The following MCTP2 variants were observed in gnomAD, a reference collection of about 807,000 sequenced individuals.
MCTP2 encodes the protein multiple C2 and transmembrane domain containing 2.
A neutral mutation model predicts 111.6 loss-of-function variants in MCTP2; 132 were observed. The observed-to-expected ratio is 1.18, with a 90% CI of 1.03 to 1.37. MCTP2 has a LOEUF of 1.37. Among genes scored for constraint, MCTP2 ranks in the 40% most tolerant of loss-of-function variants. MCTP2 has a pLI of 0.00. For synonymous variants in MCTP2, 395 were observed against 387.7 expected, an observed-to-expected ratio of 1.02 and a Z score of -0.22; for missense variants, 1,183 against 1,067.9, an observed-to-expected ratio of 1.11 and a Z score of -1.50.
At position 94,367,665 on chromosome 15, in the gene MCTP2, G is replaced by A; in HGVS notation, c.1362G>A (p.Leu454=). The change falls in exon 11 of 23, where the codon CTG becomes CTA. Residue 454 remains leucine (L), a synonymous_variant. Coordinates refer to ENST00000357742, the MANE Select transcript of MCTP2 (RefSeq NM_001385001.1). The part of the protein sequence containing the change: ...LKQANCLELP[L]DSCLGALLML... Reference sequence around the variant, plus strand: ...AAGCCAACTGCCTGGAGCTGCCACTGGACAGCTGTCTGGGGGCTCTCCTTA... The same window carrying A: ...AAGCCAACTGCCTGGAGCTGCCACTAGACAGCTGTCTGGGGGCTCTCCTTA... 6.2e-7 allele frequency: 1 copy of A among 1,612,176 alleles called. No individual in the cohort carries two copies.
At chr15:94,401,271 C>G (rs2081576251) in intron 16 of MCTP2, among the ~76,000 whole-genome samples, 1 of 152,126 alleles carries the variant, frequency 6.6e-6, no homozygotes, top group African/African-American at 2.4e-5. Flanking sequence ...CTTGAAAGCA[C>G]TTACTATGTG....
chr15:94,353,079 A>C (rs933833234), intron 8 of MCTP2, among the ~76,000 whole-genome samples: 7 of 152,238 alleles, frequency 4.6e-5, no homozygotes, highest in Non-Finnish European at 8.8e-5. Context: ...TCTGCAATAA[A>C]TACTTCTCCT....
chr15:94,272,741 C>A (rs12904449), intron 1 of MCTP2, among the ~76,000 whole-genome samples: 59,655 of 151,376 alleles, frequency 0.39, 12,264 homozygotes, highest in Middle Eastern at 0.47. Flanking sequence ...TTTTTTTTTC[C>A]CCTCTCTGGC....
intron 4 of MCTP2, among the ~76,000 whole-genome samples, chr15:94,338,288 C>A (rs2077462791): frequency 6.6e-6 from 1 of 152,050 alleles, no homozygotes; most frequent in Admixed American, 6.6e-5. Context: ...TATTGTAACT[C>A]CCCAAATTAG....
intron 4 of MCTP2, among the ~76,000 whole-genome samples, chr15:94,328,286 G>A (rs1428583023): frequency 3.3e-5 from 5 of 151,816 alleles, no homozygotes; most frequent in African/African-American, 4.8e-5. Flanking sequence ...CCGCCACCAC[G>A]CCCGGCTAAT....
At chr15:94,336,240 T>C (rs781702088) in intron 4 of MCTP2, among the ~76,000 whole-genome samples, 4 of 152,192 alleles carry the variant, frequency 2.6e-5, no homozygotes, top group Non-Finnish European at 5.9e-5. Context: ...AATGACCTTC[T>C]CTGCCTGTTC....
intron 17 of MCTP2, among the ~76,000 whole-genome samples, chr15:94,425,859 A>G (rs561585631): frequency 2.6e-5 from 4 of 152,296 alleles, no homozygotes; most frequent in African/African-American, 9.6e-5. Context: ...AAATAATTGC[A>G]TCTATAATTT....
chr15:94,278,140 A>G (rs2074307648), intron 1 of MCTP2: 2 of 152,154 alleles, frequency 1.3e-5, no homozygotes, highest in Non-Finnish European at 2.9e-5. Context: ...TTCTGCTTTT[A>G]TTCGGAGGTA....
At chr15:94,348,073 A>G (rs573017618) in intron 8 of MCTP2, among the ~76,000 whole-genome samples, 16 of 152,280 alleles carry the variant, frequency 1.1e-4, no homozygotes, top group African/African-American at 3.4e-4. Flanking sequence ...CCTCTGTTAT[A>G]TGTATTAATA....
chr15:94,371,573 A>C (rs192910115), intron 12 of MCTP2, among the ~76,000 whole-genome samples: 2 of 152,340 alleles, frequency 1.3e-5, no homozygotes, highest in East Asian at 3.9e-4. Context: ...CCAGCATTTA[A>C]AAAAATTCTT....
chr15:94,428,977 A>G (rs2083025035), intron 17 of MCTP2, among the ~76,000 whole-genome samples: 2 of 152,042 alleles, frequency 1.3e-5, no homozygotes, highest in Admixed American at 1.3e-4. Context: ...CACTTCTATA[A>G]TCCACTCTCC....
At position 94,298,213 on chromosome 15, in the gene MCTP2, T is replaced by TTG; in HGVS notation, c.-52_-51insGT. 26 of 1,394,724 alleles carry TTG rather than the reference T, an allele frequency of 1.9e-5. No individual in the cohort carries two copies. The highest frequency in any genetic ancestry group is 2.4e-5 in the Admixed American group (1 of 42,076). 86.4% of individuals were successfully genotyped at this position (1,394,724 alleles called of 1,614,324 possible). On this transcript the variant is annotated 5_prime_UTR_variant, in exon 2 of 23. Coordinates refer to ENST00000357742, the MANE Select transcript of MCTP2 (RefSeq NM_001385001.1). ...TTCTGTTTTATAGGAGTCATTGCAG[T>TTG]TTTCAGTAGAGGTGTACTTCTGAGA...
intron 1 of MCTP2, among the ~76,000 whole-genome samples, chr15:94,252,770 C>T (rs1320356606): frequency 1.3e-5 from 2 of 151,882 alleles, no homozygotes; most frequent in Non-Finnish European, 2.9e-5. Context: ...TACCAGCCAT[C>T]AAAATAAGAC....
At chr15:94,395,839 A>G (rs1050706262) in intron 14 of MCTP2, among the ~76,000 whole-genome samples, 12 of 152,202 alleles carry the variant, frequency 7.9e-5, no homozygotes, top group Admixed American at 1.3e-4. Context: ...ATCATTACTC[A>G]GAAACAGACT....
Position 94,298,431 on chromosome 15 carries a change from C to T in MCTP2, c.166C>T (p.Leu56=), listed in dbSNP as rs755510103. 1.4e-5 allele frequency: 22 copies of T among 1,614,102 alleles called. No individual in the cohort carries two copies. In the Admixed American group the frequency reaches 3.7e-4, roughly 27 times the overall value. ...TCTCAGCCTCTCTGTGCCTGATCTC[C>T]TGGAGGCTGAGGCCTTGGCCCCAGA... The part of the protein sequence containing the change: ...RRLSLSVPDL[L]EAEALAPEGR... Residue 56 remains leucine (L), a synonymous_variant, in exon 2 of 23, where the codon CTG becomes TTG. Coordinates refer to ENST00000357742, the MANE Select transcript of MCTP2 (RefSeq NM_001385001.1).
chr15:94,468,092 CTG>C (rs1233895222), intron 20 of MCTP2, among the ~76,000 whole-genome samples: 2 of 151,242 alleles, frequency 1.3e-5, no homozygotes, highest in Non-Finnish European at 2.9e-5. Context: ...AAGCAACAAA[CTG>C]AAAGAATATA....
chr15:94,464,221 TTA>T (rs1449708901), intron 20 of MCTP2, among the ~76,000 whole-genome samples: 1 of 110,700 alleles, frequency 9.0e-6, no homozygotes, highest in African/African-American at 3.5e-5. Context: ...GCATGAAATA[TTA>T]TATGTTTATA....
At position 94,315,521 on chromosome 15, in the gene MCTP2, C is replaced by T; in HGVS notation, c.529-8C>T. The T allele has an allele frequency of 6.2e-7, 1 of 1,606,652 alleles. No individual in the cohort carries two copies. The highest frequency in any genetic ancestry group is 8.5e-7 in the Non-Finnish European group (1 of 1,173,356). On this transcript the variant is annotated splice_region_variant and splice_polypyrimidine_tract_variant and intron_variant, in intron 3 of 22. Transcript: ENST00000357742. The stretch of plus-strand genomic sequence containing the variant: ...ATACTGTCTTAACTGCCTTCTCCAT[C>T]TGTGCAGGTACCGGGGGAAGCCAGT...
Position 94,331,915 on chromosome 15 carries a change from G to A in MCTP2, c.638-7375G>A, listed in dbSNP as rs79220145. The stretch of plus-strand genomic sequence containing the variant: ...CCAGTAGAAGACTGGGGAAGAAACT[G>A]TTCTGTGGTTGGTATCAAAAACAGC... On this transcript the variant is annotated intron_variant, in intron 4 of 22. Coordinates refer to ENST00000357742, the MANE Select transcript of MCTP2 (RefSeq NM_001385001.1). Among the ~76,000 whole-genome samples the A allele has an allele frequency of 8.1e-3, 1,229 of 152,296 alleles. 15 individuals are homozygous for A. Among genetic ancestry groups the A allele is most frequent in the African/African-American group, 0.026 (1,096 of 41,558 alleles).
Sources: allele counts gnomAD v4.1 joint callset (sites outside exome capture counted in the v4.1 genomes callset), GRCh38; gene constraint gnomAD v4.1.1; transcripts MANE v1.5; gene names NCBI Gene and HGNC (gene_info 2026-07-23, HGNC 2026-07-21).